Variants in VWA5B2 observed in about 807,000 individuals in gnomAD.
The protein encoded by VWA5B2 is von Willebrand factor A domain containing 5B2, also known as von Willebrand factor A domain-containing protein 5B2.
In VWA5B2, 93 loss-of-function variants were observed where a neutral mutation model predicts 118.5. The observed-to-expected ratio is 0.79, with a 90% CI of 0.66 to 0.93. The LOEUF (loss-of-function observed/expected upper bound fraction) is 0.93. VWA5B2 is among the 40% of genes least tolerant of loss of function. The pLI is 0.00. For missense variants in VWA5B2, 1,546 were observed against 1,672.8 expected (o/e 0.92, Z 1.32); for synonymous variants, 708 against 716.3 (o/e 0.99, Z 0.19).
chr3:184,233,879 G>C lies in VWA5B2; in HGVS notation c.688+146G>C. The C allele has an allele frequency of 8.6e-7, 1 of 1,166,052 alleles. No homozygotes were observed. 72.2% of individuals were successfully genotyped at this position (1,166,052 alleles called of 1,614,324 possible). On this transcript the variant is annotated intron_variant, in intron 5 of 19. Transcript: ENST00000691901. The surrounding 1 kb of genome is among the most constrained non-coding windows in gnomAD (Gnocchi z 5.2). ...CCTCCGGAACATCTGGGTTAGTGGT[G>C]GGAGCATCCCCTGGTCACCTCTACC...
intron 8 of VWA5B2, among the ~76,000 whole-genome samples, chr3:184,235,699 C>T (rs1160295026): frequency 3.3e-5 from 5 of 151,250 alleles, no homozygotes; most frequent in South Asian, 2.1e-4. Flanking sequence ...CCTCCAGAGT[C>T]CCACACACAG....
In VWA5B2 at chr3:184,233,917, C is replaced by T. The variant is rs1272507789; in HGVS notation, c.688+184C>T. 6.6e-6 allele frequency among the ~76,000 whole-genome samples: 1 copy of T among 152,126 alleles called. No individual in the cohort carries two copies. The highest frequency in any genetic ancestry group is 1.5e-5 in the Non-Finnish European group (1 of 68,026). On this transcript the variant is annotated intron_variant, in intron 5 of 19. Coordinates refer to ENST00000691901, the MANE Select transcript of VWA5B2 (RefSeq NM_001390846.1). The surrounding 1 kb of genome is among the most constrained non-coding windows in gnomAD (Gnocchi z 5.2). Reference sequence around the variant, plus strand: ...GGTCACCTCTACCCAACACACACACCCCAATTTTATCAAGGTAATTTATTT... The same window carrying T: ...GGTCACCTCTACCCAACACACACACTCCAATTTTATCAAGGTAATTTATTT...
chr3:184,238,483 C>T lies in VWA5B2; in HGVS notation c.1891+9C>T, dbSNP rs763047490. Reference sequence around the variant, plus strand: ...CAGGGACTCGGAGCAGAGTGAGTGCCCAGGTGTATGTGTGTGGCTGTATTG... The same window carrying T: ...CAGGGACTCGGAGCAGAGTGAGTGCTCAGGTGTATGTGTGTGGCTGTATTG... On this transcript the variant is annotated intron_variant, in intron 13 of 19. Transcript: ENST00000691901. This position sits in a 1 kb window ranked among gnomAD's most constrained non-coding sequence, Gnocchi z 5.0. 22 of 1,541,950 alleles carry T rather than the reference C, an allele frequency of 1.4e-5. No homozygotes were observed. The highest frequency in any genetic ancestry group is 1.9e-5 in the Non-Finnish European group (22 of 1,139,902).
chr3:184,230,860 T>C lies in VWA5B2; in HGVS notation c.253T>C (p.Cys85Arg). 8.0e-7 allele frequency: 1 copy of C among 1,242,446 alleles called. No homozygotes were observed. 77.0% of individuals were successfully genotyped at this position (1,242,446 alleles called of 1,614,324 possible). A position where few individuals can be genotyped will look rare whatever the true frequency, so the allele number is the denominator to read the frequency against. ...LQSRRRSQAACCRALGPGLGT... is the reference protein window; with the variant it reads ...LQSRRRSQAARCRALGPGLGT... ...GAGCCGGCGCCGCTCGCAGGCCGCC[T>C]GCTGCCGCGCTCTGGGCCCGGGGCT... Residue 85 changes from cysteine (C) to arginine (R), a missense_variant, in exon 3 of 20, where the codon TGC becomes CGC. Cys to Arg is a radical substitution (Grantham distance 180, BLOSUM62 -3). Transcript: ENST00000691901.
At chr3:184,231,178 G>A (rs1717364011) in intron 3 of VWA5B2, among the ~76,000 whole-genome samples, 1 of 152,178 alleles carries the variant, frequency 6.6e-6, no homozygotes, top group Admixed American at 6.5e-5. Context: ...AACCCTTACA[G>A]CCCAGGAGAC....
intron 8 of VWA5B2, 59 bp from the exon 9 acceptor site, chr3:184,236,093 T>A (rs1279999371): frequency 1.4e-6 from 2 of 1,445,436 alleles, no homozygotes; most frequent in African/African-American, 2.8e-5. Flanking sequence ...CTGGCTTCCC[T>A]TGCTCTGTAT....
In VWA5B2 at chr3:184,238,713, C is replaced by T. The variant is rs116372029; in HGVS notation, c.2042C>T (p.Thr681Ile). The stretch of plus-strand genomic sequence containing the variant: ...AGCCCCGAGCCAGGCCCAGGCTCCA[C>T]AGGCAGCAGTGAGTCCCCAGGCTCA... ...SASPEPGPGS[T>I]GSSESPGSQG... is the part of the protein sequence containing the mutation. The change falls in exon 14 of 20, where the codon ACA becomes ATA. Residue 681 changes from threonine (T) to isoleucine (I), a missense_variant. This residue lies in a region of VWA5B2 where 763 missense variants were observed against 766.6 expected (regional missense o/e 1.00). Coordinates refer to ENST00000691901, the MANE Select transcript of VWA5B2 (RefSeq NM_001390846.1). The surrounding 1 kb of genome is among the most constrained non-coding windows in gnomAD (Gnocchi z 5.0). The T allele has an allele frequency of 8.4e-6, 13 of 1,551,234 alleles. No homozygotes were observed. The African/African-American group carries it at 1.8e-4, about 21-fold the overall frequency.
At position 184,241,913 on chromosome 3, in the gene VWA5B2, C is replaced by A. The variant is rs1255617621; in HGVS notation, c.3604C>A (p.His1202Asn). ...AKADCWLRAQ[H>N]LPDGLDLAAL... is the part of the protein sequence containing the mutation. ...GGCTGATTGCTGGCTGCGGGCCCAGCACTTGCCTGACGGCCTTGACCTGGC... is the reference window on the plus strand; with the variant it reads ...GGCTGATTGCTGGCTGCGGGCCCAGAACTTGCCTGACGGCCTTGACCTGGC... The change falls in exon 20 of 20, where the codon CAC becomes AAC. Residue 1202 changes from histidine (H) to asparagine (N), a missense_variant. By Grantham distance (68) the His-to-Asn change is moderately conservative (BLOSUM62 1). Around this residue, in one of 3 missense-constraint regions of VWA5B2, gnomAD observed 763 missense variants for 766.6 expected, o/e 1.00. Transcript: ENST00000691901. The surrounding 1 kb of genome is among the most constrained non-coding windows in gnomAD (Gnocchi z 5.1). The A allele has an allele frequency of 1.9e-6, 3 of 1,548,462 alleles. No homozygotes were observed. The South Asian group carries it at 3.6e-5, about 18-fold the overall frequency.
At position 184,233,549 on chromosome 3, in the gene VWA5B2, A is replaced by G; in HGVS notation, c.531-27A>G. Reference sequence around the variant, plus strand: ...GGTTTAGGGGCCTTCACAGTGGCCCAGTGACCCTCCTCATGCTCCCTTCCA... The same window carrying G: ...GGTTTAGGGGCCTTCACAGTGGCCCGGTGACCCTCCTCATGCTCCCTTCCA... On this transcript the variant is annotated intron_variant, in intron 4 of 19. Transcript: ENST00000691901. This position sits in a 1 kb window ranked among gnomAD's most constrained non-coding sequence, Gnocchi z 5.2. 2.6e-6 allele frequency: 4 copies of G among 1,545,902 alleles called. No individual in the cohort carries two copies. Among genetic ancestry groups the G allele is most frequent in the Non-Finnish European group, 3.5e-6 (4 of 1,144,254 alleles).
At chr3:184,235,342 G>T (rs1477477598) in intron 8 of VWA5B2, 34 bp downstream of exon 8, 4 of 1,540,132 alleles carry the variant, frequency 2.6e-6, no homozygotes, top group Non-Finnish European at 3.5e-6. Flanking sequence ...AGGCCTGGGG[G>T]TTGGGTGGGG....
Position 184,236,701 on chromosome 3 carries a change from C to T in VWA5B2, c.1485C>T (p.Ser495=). The change falls in exon 11 of 20, where the codon AGC becomes AGT. Residue 495 remains serine, a synonymous_variant. Coordinates refer to ENST00000691901, the MANE Select transcript of VWA5B2 (RefSeq NM_001390846.1). ...TGCTCCAGGGTTTATCTGCCCTCAG[C>T]AGAGGCCAGGCCTACTTCCTGAGGC... ...HQLLQGLSAL[S]RGQAYFLRPG... The T allele has an allele frequency of 6.4e-7, 1 of 1,550,538 alleles. No homozygotes were observed. Among genetic ancestry groups the T allele is most frequent in the Non-Finnish European group, 8.7e-7 (1 of 1,146,142 alleles).
In VWA5B2 at chr3:184,236,256, C is replaced by A; in HGVS notation, c.1206C>A (p.Cys402Ter). 1 of 1,551,784 alleles carries A rather than the reference C, an allele frequency of 6.4e-7. No homozygotes were observed. The highest frequency in any genetic ancestry group is 8.7e-7 in the Non-Finnish European group (1 of 1,146,994). Residue 402 changes from cysteine to a stop codon, truncating the protein, a stop_gained, in exon 9 of 20, where the codon TGC becomes TGA. Transcript: ENST00000691901. LOFTEE classifies it high-confidence loss of function. ...VQPLFPESRP[C>*]SDDAVQLICE... ...CACTCTTCCCAGAGAGCCGGCCTTGCAGTGATGTGAGTGTGGTCCAGGGAT... is the reference window on the plus strand; with the variant it reads ...CACTCTTCCCAGAGAGCCGGCCTTGAAGTGATGTGAGTGTGGTCCAGGGAT...
intron 16 of VWA5B2, 133 bp from the exon 17 acceptor site, chr3:184,240,657 TG>T (rs1224508164): frequency 1.6e-6 from 2 of 1,266,680 alleles, no homozygotes; most frequent in Admixed American, 2.6e-5. Flanking sequence ...GAGCTGGTTC[TG>T]GGCCTAGCAA....
intron 3 of VWA5B2, among the ~76,000 whole-genome samples, chr3:184,232,397 A>G (rs1577085488): frequency 6.6e-6 from 1 of 152,164 alleles, no homozygotes; most frequent in Admixed American, 6.5e-5. Flanking sequence ...GTTGGCTGGG[A>G]TGGAAGCCCC....
At chr3:184,235,451 T>C (rs1717874421) in intron 8 of VWA5B2, 143 bp downstream of exon 8, 1 of 958,896 alleles carries the variant, frequency 1.0e-6, no homozygotes, top group African/African-American at 1.6e-5. Flanking sequence ...TGGCAACTCC[T>C]CAGGGGATTC....
chr3:184,236,654 C>A lies in VWA5B2; in HGVS notation c.1438C>A (p.Leu480Met), dbSNP rs1323763213. ...CTTCATCAGATGCTTCTCCTTTGGG[C>A]TGGGGCCCACCTGCCACCAGCTGCT... ...RGTARCFSFG[L>M]GPTCHQLLQG... The change falls in exon 11 of 20, where the codon CTG becomes ATG. Residue 480 changes from leucine to methionine, a missense_variant. By Grantham distance (15) the Leu-to-Met change is conservative. Coordinates refer to ENST00000691901, the MANE Select transcript of VWA5B2 (RefSeq NM_001390846.1). The A allele has an allele frequency of 1.3e-6, 2 of 1,551,244 alleles. No homozygotes were observed. Among genetic ancestry groups the A allele is most frequent in the Non-Finnish European group, 1.7e-6 (2 of 1,146,634 alleles).
At chr3:184,240,581 G>A (rs538425712) in intron 16 of VWA5B2, 2 of 650,738 alleles carry the variant, frequency 3.1e-6, no homozygotes, top group East Asian at 2.8e-5. Flanking sequence ...GGGCAGCCAG[G>A]GGGCTCTTGC....
rs746526025 is a variant in VWA5B2, at chr3:184,236,663, A to G, written c.1447A>G (p.Thr483Ala). ...ARCFSFGLGP[T>A]CHQLLQGLSA... ...ATGCTTCTCCTTTGGGCTGGGGCCC[A>G]CCTGCCACCAGCTGCTCCAGGGTTT... is the stretch of plus-strand genomic sequence containing the variant. The change falls in exon 11 of 20, where the codon ACC (threonine) becomes GCC (alanine). Residue 483 changes from threonine (T) to alanine (A), a missense_variant. Transcript: ENST00000691901. The G allele has an allele frequency of 1.3e-6, 2 of 1,551,068 alleles. No homozygotes were observed. Among genetic ancestry groups the G allele is most frequent in the Non-Finnish European group, 1.7e-6 (2 of 1,146,614 alleles).
At position 184,233,341 on chromosome 3, in the gene VWA5B2, G is replaced by T. The variant is rs560850383; in HGVS notation, c.474G>T (p.Pro158=). 14 of 1,536,348 alleles carry T rather than the reference G, an allele frequency of 9.1e-6. No individual in the cohort carries two copies. The highest frequency in any genetic ancestry group is 3.4e-4 in the Middle Eastern group (2 of 5,920). The change falls in exon 4 of 20, where the codon CCG becomes CCT. Residue 158 remains proline, a synonymous_variant. Coordinates refer to ENST00000691901, the MANE Select transcript of VWA5B2 (RefSeq NM_001390846.1). This position sits in a 1 kb window ranked among gnomAD's most constrained non-coding sequence, Gnocchi z 5.2. ...LHVALPTVLT[P]LAPPGPPGPP... ...TGGCCCTGCCCACTGTGCTCACCCC[G>T]CTGGCCCCGCCAGGCCCGCCGGGGC... is the stretch of plus-strand genomic sequence containing the variant.
Sources: gnomAD v4.1 joint callset for allele counts (sites outside exome capture counted in the v4.1 genomes callset) on GRCh38, gnomAD v4.1.1 for gene constraint, gnomAD v4.1.1 regional missense constraint, Gnocchi (gnomAD v3.1) non-coding constraint, MANE v1.5 for transcripts, NCBI Gene and HGNC (gene_info 2026-07-23, HGNC 2026-07-21) for gene names.